The following GNAQ variants were observed in gnomAD, a reference collection of about 807,000 sequenced individuals.
GNAQ encodes G protein subunit alpha q.
GNAQ carries 8 observed loss-of-function variants against 43.9 expected under a neutral mutation model. That is an observed-to-expected ratio of 0.18 (90% CI 0.11 to 0.33). The LOEUF (loss-of-function observed/expected upper bound fraction) is 0.33, where lower values mean the gene tolerates loss of function less well. Ranked by LOEUF, GNAQ falls within the 10% of genes least tolerant of loss-of-function variation. GNAQ has a pLI of 1.00. For missense variants in GNAQ, 158 were observed against 450.8 expected (o/e 0.35, Z 5.88); for synonymous variants, 155 against 170.7 (o/e 0.91, Z 0.71).
chr9:77,913,841 T>A (rs7033572), intron 2 of GNAQ, among the ~76,000 whole-genome samples: 2 of 151,852 alleles, frequency 1.3e-5, no homozygotes, highest in Non-Finnish European at 2.9e-5. Flanking sequence ...GTATTGACAA[T>A]GGAAAAACAC....
chr9:77,947,695 C>T (rs979181669), intron 1 of GNAQ, among the ~76,000 whole-genome samples: 1 of 152,198 alleles, frequency 6.6e-6, no homozygotes. Context: ...GCTTCTGAAG[C>T]TTGACTGTGC....
intron 2 of GNAQ, among the ~76,000 whole-genome samples, chr9:77,887,078 C>T (rs1479315572): frequency 2.6e-5 from 4 of 151,998 alleles, no homozygotes; most frequent in African/African-American, 4.8e-5. Context: ...GCCAAGTTTG[C>T]GCCACTGCAC....
intron 2 of GNAQ, among the ~76,000 whole-genome samples, chr9:77,850,357 A>ATC (rs372873080): frequency 6.6e-6 from 1 of 151,016 alleles, no homozygotes; most frequent in Non-Finnish European, 1.5e-5. Context: ...AGTCTCCTCC[A>ATC]TCTCTCTCTC....
At position 77,853,900 on chromosome 9, in the gene GNAQ, G is replaced by T. The variant is rs117414858; in HGVS notation, c.322-38130C>A. On this transcript the variant is annotated intron_variant, in intron 2 of 6. Transcript: ENST00000286548. ...CCACTATTACATAAACCACCTAAATGAATTTTGGAGTGCCTCCAGGCGAGA... is the reference window on the plus strand; with the variant it reads ...CCACTATTACATAAACCACCTAAATTAATTTTGGAGTGCCTCCAGGCGAGA... 1.2e-4 allele frequency among the ~76,000 whole-genome samples: 18 copies of T among 150,126 alleles called. 1 individual carries two copies. In the East Asian group the frequency reaches 3.6e-3, roughly 30 times the overall value.
intron 2 of GNAQ, among the ~76,000 whole-genome samples, chr9:77,920,787 G>A (rs1042230724): frequency 6.6e-6 from 1 of 152,168 alleles, no homozygotes; most frequent in Admixed American, 6.5e-5. Context: ...GGAAAACCAG[G>A]TATGAAAGTA....
intron 5 of GNAQ, among the ~76,000 whole-genome samples, chr9:77,787,954 C>T (rs1022324496): frequency 5.9e-5 from 9 of 152,128 alleles, no homozygotes; most frequent in Non-Finnish European, 1.0e-4. Flanking sequence ...CGCTCGAACC[C>T]GGGAGGCAGA....
chr9:77,883,781 G>A (rs776149891), intron 2 of GNAQ, among the ~76,000 whole-genome samples: 8 of 152,170 alleles, frequency 5.3e-5, no homozygotes, highest in Non-Finnish European at 1.0e-4. Context: ...TCTGTCCCAT[G>A]TGGTCACACC....
intron 1 of GNAQ, among the ~76,000 whole-genome samples, chr9:78,024,595 C>T (rs928973511): frequency 2.0e-5 from 3 of 152,162 alleles, no homozygotes; most frequent in African/African-American, 7.2e-5. Flanking sequence ...TATTTTGTCT[C>T]TTTCTGTGTA....
intron 5 of GNAQ, among the ~76,000 whole-genome samples, chr9:77,786,116 G>A (rs1329109589): frequency 1.1e-4 from 17 of 152,056 alleles, no homozygotes; most frequent in Admixed American, 1.1e-3. Context: ...GGTGGCTCAC[G>A]CCTGTAATCC....
At chr9:77,808,334 C>T (rs1242548884) in intron 3 of GNAQ, among the ~76,000 whole-genome samples, 2 of 150,878 alleles carry the variant, frequency 1.3e-5, no homozygotes, top group Non-Finnish European at 2.9e-5. Context: ...CATCAGCATT[C>T]ACCGAGGAAG....
At chr9:77,762,085 C>T (rs1826042768) in intron 5 of GNAQ, among the ~76,000 whole-genome samples, 2 of 131,910 alleles carry the variant, frequency 1.5e-5, no homozygotes, top group Non-Finnish European at 3.3e-5. Context: ...GGGGGGTCAG[C>T]CCCCCGCCTG....
intron 2 of GNAQ, among the ~76,000 whole-genome samples, chr9:77,901,405 G>A (rs183126078): frequency 6.6e-6 from 1 of 152,162 alleles, no homozygotes; most frequent in East Asian, 1.9e-4. Context: ...ACTTTCCTGG[G>A]ACTGTTCCTG....
At position 77,720,122 on chromosome 9, in the gene GNAQ, C is replaced by CTT. The variant is rs1825287297; in HGVS notation, c.*1200_*1201insAA. ...GGACACTGAACATGGGACGTGAACA[C>CTT]TAACAATGTCATCTTAAGGACAAAG... On this transcript the variant is annotated 3_prime_UTR_variant, in exon 7 of 7. Transcript: ENST00000286548. The CTT allele has an allele frequency of 4.3e-6, 1 of 232,906 alleles. No individual in the cohort carries two copies. The highest frequency in any genetic ancestry group is 6.1e-5 in the East Asian group (1 of 16,510). The allele number at this position is 232,906 out of a possible 1,614,324, so 14.4% of individuals were successfully genotyped here.
At chr9:77,826,154 T>C (rs1827192946) in intron 2 of GNAQ, among the ~76,000 whole-genome samples, 3 of 152,198 alleles carry the variant, frequency 2.0e-5, no homozygotes. Context: ...AGAGTACATA[T>C]ATTTTTATGA....
intron 5 of GNAQ, among the ~76,000 whole-genome samples, chr9:77,758,151 C>T (rs746327173): frequency 1.1e-4 from 17 of 152,230 alleles, no homozygotes; most frequent in Non-Finnish European, 2.5e-4. Context: ...ATCTTTAATT[C>T]TCTGTGTGCT....
chr9:77,795,279 G>A (rs1324322052), intron 4 of GNAQ, among the ~76,000 whole-genome samples: 1 of 152,158 alleles, frequency 6.6e-6, no homozygotes, highest in Non-Finnish European at 1.5e-5. Flanking sequence ...TCAATCATTT[G>A]TTTTTAACAC....
chr9:77,891,137 T>C (rs1828398494), intron 2 of GNAQ, among the ~76,000 whole-genome samples: 1 of 152,218 alleles, frequency 6.6e-6, no homozygotes, highest in Admixed American at 6.5e-5. Context: ...TAAGCAAAAA[T>C]GAGAACCTTT....
At chr9:77,828,183 G>C (rs1827236317) in intron 2 of GNAQ, among the ~76,000 whole-genome samples, 1 of 149,790 alleles carries the variant, frequency 6.7e-6, no homozygotes, top group Non-Finnish European at 1.5e-5. Flanking sequence ...CTTTACCTGG[G>C]TTAATTATCA....
chr9:77,874,116 A>C (rs906933684), intron 2 of GNAQ, among the ~76,000 whole-genome samples: 16 of 141,718 alleles, frequency 1.1e-4, no homozygotes, highest in African/African-American at 4.0e-4. Flanking sequence ...AAAAAAAAAA[A>C]CAAAAAAACA....
Sources: allele counts gnomAD v4.1 joint callset (sites outside exome capture counted in the v4.1 genomes callset), GRCh38; gene constraint gnomAD v4.1.1; transcripts MANE v1.5; gene names NCBI Gene and HGNC (gene_info 2026-07-23, HGNC 2026-07-21).